DUSP22: variants seen among roughly 807,000 people sequenced by gnomAD.
The protein encoded by DUSP22 is dual specificity protein phosphatase 22.
A neutral mutation model predicts 24.5 loss-of-function variants in DUSP22; 24 were observed. The ratio of observed to expected loss-of-function variants is 0.98; its 90% CI spans 0.71 to 1.38. The LOEUF is 1.38. Ranked by LOEUF, DUSP22 falls within the 40% of genes most tolerant of loss-of-function variation. The pLI is 0.00. For missense variants in DUSP22, 330 were observed against 269.2 expected, an observed-to-expected ratio of 1.23 and a Z score of -1.58; for synonymous variants, 160 against 106.4, an observed-to-expected ratio of 1.50 and a Z score of -3.10.
intron 3 of DUSP22, among the ~76,000 whole-genome samples, chr6:316,304 A>C (rs1410427840): frequency 5.9e-5 from 9 of 152,310 alleles, no homozygotes; most frequent in African/African-American, 2.2e-4. Context: ...ACTTCGGAGC[A>C]CATGATGCTA....
At chr6:335,671 A>G (rs1759329341) in intron 4 of DUSP22, among the ~76,000 whole-genome samples, 1 of 152,302 alleles carries the variant, frequency 6.6e-6, no homozygotes, top group African/African-American at 2.4e-5. Context: ...ACTCAATATA[A>G]AAAATTAATG....
At chr6:348,404 G>A (rs1467359694) in intron 6 of DUSP22, 130 bp downstream of exon 6, 4 of 1,427,990 alleles carry the variant, frequency 2.8e-6, no homozygotes, top group African/African-American at 2.8e-5. Context: ...GGCTCCCAGG[G>A]CGCCCAGCTG....
chr6:331,541 G>A (rs563128559), intron 3 of DUSP22, among the ~76,000 whole-genome samples: 2 of 152,420 alleles, frequency 1.3e-5, no homozygotes, highest in East Asian at 1.9e-4. Flanking sequence ...CCTGTCTTGA[G>A]GACCTATTTG....
intron 1 of DUSP22, among the ~76,000 whole-genome samples, chr6:302,141 G>A (rs962657052): frequency 2.6e-5 from 4 of 152,304 alleles, no homozygotes; most frequent in East Asian, 1.9e-4. Flanking sequence ...CGCCATCGCC[G>A]TCACGGAGGT....
chr6:296,080 G>T (rs1370130269), intron 1 of DUSP22, among the ~76,000 whole-genome samples: 1 of 152,300 alleles, frequency 6.6e-6, no homozygotes, highest in East Asian at 1.9e-4. Context: ...AACTTGAAAA[G>T]CTCCTCATAG....
intron 3 of DUSP22, among the ~76,000 whole-genome samples, chr6:318,233 A>G (rs1758422706): frequency 6.6e-6 from 1 of 152,306 alleles, no homozygotes; most frequent in Non-Finnish European, 1.5e-5. Context: ...GGCTCTACAA[A>G]GAGGACCATG....
intron 3 of DUSP22, among the ~76,000 whole-genome samples, chr6:313,410 A>G (rs1228752766): frequency 2.0e-5 from 3 of 152,304 alleles, no homozygotes; most frequent in African/African-American, 7.2e-5. Flanking sequence ...TCACTTGGGA[A>G]ACCACAGGCT....
intron 2 of DUSP22, among the ~76,000 whole-genome samples, chr6:308,502 A>G (rs1757926167): frequency 6.6e-6 from 1 of 152,284 alleles, no homozygotes; most frequent in African/African-American, 2.4e-5. Flanking sequence ...ACACGGTGCT[A>G]GCGTGCGGTG....
intron 3 of DUSP22, among the ~76,000 whole-genome samples, chr6:323,033 G>A (rs1297769552): frequency 6.6e-6 from 1 of 152,294 alleles, no homozygotes; most frequent in African/African-American, 2.4e-5. Context: ...ATCATTGCCT[G>A]CTAGGCAATG....
At chr6:347,830 G>A (rs1427064225) in intron 5 of DUSP22, among the ~76,000 whole-genome samples, 10 of 152,300 alleles carry the variant, frequency 6.6e-5, no homozygotes, top group African/African-American at 2.4e-4. Flanking sequence ...GGGCTGAGGA[G>A]CAAGGGAGCA....
At position 351,127 on chromosome 6, in the gene DUSP22, C is replaced by A; in HGVS notation, c.*2176C>A. 1 of 570,968 alleles carries A rather than the reference C, an allele frequency of 1.8e-6. No homozygotes were observed. The highest frequency in any genetic ancestry group is 3.0e-6 in the Non-Finnish European group (1 of 334,322). 35.4% of individuals were successfully genotyped at this position (570,968 alleles called of 1,614,324 possible). On this transcript the variant is annotated 3_prime_UTR_variant, in exon 7 of 7. Coordinates refer to ENST00000419235, the MANE Select transcript of DUSP22 (RefSeq NM_001286555.3). The stretch of plus-strand genomic sequence containing the variant: ...GCCTGTAAGGATCCCGGGAGCCTTG[C>A]CGCACTGCCTTGTGGGTGGCTTGGC...
Position 348,134 on chromosome 6 carries a change from G to C in DUSP22, c.295G>C (p.Val99Leu). The C allele has an allele frequency of 6.2e-7, 1 of 1,614,296 alleles. No homozygotes were observed. The highest frequency in any genetic ancestry group is 8.5e-7 in the Non-Finnish European group (1 of 1,180,058). ...LAGVSRSVTL[V>L]IAYIMTVTDF... ...CGGGGTCTCCAGGAGCGTGACACTGGTGATCGCATACATCATGACCGTCAC... is the reference window on the plus strand; with the variant it reads ...CGGGGTCTCCAGGAGCGTGACACTGCTGATCGCATACATCATGACCGTCAC... Residue 99 changes from valine to leucine, a missense_variant, in exon 6 of 7, where the codon GTG becomes CTG. By Grantham distance (32) the Val-to-Leu change is conservative. Transcript: ENST00000419235.
chr6:331,684 G>A (rs928101536), intron 3 of DUSP22, among the ~76,000 whole-genome samples: 10 of 152,304 alleles, frequency 6.6e-5, no homozygotes, highest in Non-Finnish European at 1.3e-4. Flanking sequence ...GTAATTAACT[G>A]TCATGAATTG....
rs530110045 is a variant in DUSP22, at chr6:320,574, G to A, written c.138+8612G>A. Among the ~76,000 whole-genome samples the A allele has an allele frequency of 1.3e-3, 199 of 152,366 alleles. No individual in the cohort carries two copies. In the Middle Eastern group the frequency reaches 0.014, roughly 10 times the overall value. ...CCTGGTTGCCTTTGGGTGCCAAAGT[G>A]CCTATCATAGATGGCATGGGCTCTG... On this transcript the variant is annotated intron_variant, in intron 3 of 6. Coordinates refer to ENST00000419235, the MANE Select transcript of DUSP22 (RefSeq NM_001286555.3).
Position 349,098 on chromosome 6 carries a change from C to T in DUSP22, c.*147C>T. On this transcript the variant is annotated 3_prime_UTR_variant, in exon 7 of 7. Transcript: ENST00000419235. ...GGGCTCCTTCCCCCAAGCAACACCG[C>T]CCAGCCCTGCTCCAGGCCCCTGCAC... 6.9e-7 allele frequency: 1 copy of T among 1,459,772 alleles called. No individual in the cohort carries two copies. The allele number at this position is 1,459,772 out of a possible 1,614,324, so 90.4% of individuals were successfully genotyped here.
intron 3 of DUSP22, among the ~76,000 whole-genome samples, chr6:321,624 AG>A (rs1758592930): frequency 6.6e-6 from 1 of 152,296 alleles, no homozygotes; most frequent in African/African-American, 2.4e-5. Flanking sequence ...TTCTCTAGCA[AG>A]AATCAAGCAA....
At chr6:322,769 G>A (rs1284938084) in intron 3 of DUSP22, among the ~76,000 whole-genome samples, 12 of 152,226 alleles carry the variant, frequency 7.9e-5, no homozygotes, top group Non-Finnish European at 1.6e-4. Context: ...GCATCATGGT[G>A]GTGGTGGTGA....
chr6:301,002 C>T (rs1757556818), intron 1 of DUSP22, among the ~76,000 whole-genome samples: 1 of 152,306 alleles, frequency 6.6e-6, no homozygotes, highest in South Asian at 2.1e-4. Flanking sequence ...CCTCTGTTGC[C>T]AAAGAGGACA....
intron 1 of DUSP22, among the ~76,000 whole-genome samples, chr6:303,122 T>C (rs1384547817): frequency 6.6e-6 from 1 of 152,290 alleles, no homozygotes; most frequent in Non-Finnish European, 1.5e-5. Flanking sequence ...TGCCACATCC[T>C]AAAAAAGGCA....
Sources: allele counts gnomAD v4.1 joint callset (sites outside exome capture counted in the v4.1 genomes callset), GRCh38; gene constraint gnomAD v4.1.1; transcripts MANE v1.5; gene names NCBI Gene and HGNC (gene_info 2026-07-23, HGNC 2026-07-21).